Variants in CACNG6 observed in about 807,000 individuals in gnomAD.
CACNG6 encodes the protein calcium voltage-gated channel auxiliary subunit gamma 6, also known as voltage-dependent calcium channel gamma-6 subunit.
Under a neutral mutation model 23.9 loss-of-function variants are expected in CACNG6, and 21 were observed. The observed-to-expected ratio is 0.88, with a 90% CI of 0.62 to 1.26. CACNG6 has a LOEUF of 1.26. Among genes scored for constraint, CACNG6 ranks in the 50% most tolerant of loss-of-function variants. CACNG6 has a pLI of 0.00. For synonymous variants in CACNG6, 182 were observed against 168.9 expected (o/e 1.08, Z -0.60); for missense variants, 340 against 352.9 (o/e 0.96, Z 0.29).
At chr19:53,998,334 G>A (rs748217448) in intron 2 of CACNG6, 21 bp downstream of exon 2, 1 of 1,599,786 alleles carries the variant, frequency 6.3e-7, no homozygotes, top group Non-Finnish European at 8.6e-7. Flanking sequence ...TTCACCCCCT[G>A]CTGGGTGACA....
chr19:54,007,354 G>C (rs307957), intron 3 of CACNG6, among the ~76,000 whole-genome samples: 113,654 of 152,140 alleles, frequency 0.75, 43,077 homozygotes, highest in East Asian at 0.95. Flanking sequence ...ACTTAATTCT[G>C]TCTTTAAGAA....
intron 3 of CACNG6, among the ~76,000 whole-genome samples, chr19:54,006,089 C>G (rs1047585465): frequency 2.3e-4 from 3 of 13,318 alleles, no homozygotes; most frequent in Admixed American, 1.1e-3. Flanking sequence ...GACTCTGTTT[C>G]AAAAATAAAT....
At chr19:54,001,517 A>G (rs1048795679) in intron 3 of CACNG6, among the ~76,000 whole-genome samples, 1 of 152,114 alleles carries the variant, frequency 6.6e-6, no homozygotes, top group African/African-American at 2.4e-5. Context: ...TTTTATATCA[A>G]CACCTTCCTG....
chr19:54,001,671 G>A (rs771232879), intron 3 of CACNG6, among the ~76,000 whole-genome samples: 6 of 152,156 alleles, frequency 3.9e-5, no homozygotes, highest in Non-Finnish European at 8.8e-5. Context: ...GGCCTCTCTG[G>A]GGAGGTGACA....
rs2145971823 is a variant in CACNG6 at position 54,012,251 on chromosome 19, C to T, written c.*62C>T. The T allele has an allele frequency of 1.3e-6, 1 of 746,548 alleles. No individual in the cohort carries two copies. The highest frequency in any genetic ancestry group is 3.1e-5 in the South Asian group (1 of 32,658). 46.2% of individuals were successfully genotyped at this position (746,548 alleles called of 1,614,324 possible). ...CCTTTGACCTTCTCCATTGTACCCC[C>T]AAGATCTTTTTGCCCCATCTCCTAG... On this transcript the variant is annotated 3_prime_UTR_variant, in exon 4 of 4. Transcript: ENST00000252729.
chr19:54,011,159 T>C (rs393799), intron 3 of CACNG6, among the ~76,000 whole-genome samples: 98,277 of 132,912 alleles, frequency 0.74, 37,059 homozygotes, highest in East Asian at 0.95. Flanking sequence ...TCCAGACTAG[T>C]CTGGCCAACA....
intron 3 of CACNG6, among the ~76,000 whole-genome samples, chr19:54,005,267 GC>G (rs1353870212): frequency 8.7e-5 from 10 of 114,526 alleles, no homozygotes; most frequent in South Asian, 3.1e-4. Context: ...AAAAGAAAGA[GC>G]ACGTGAGAGA....
chr19:53,992,602 C>T lies in CACNG6; in HGVS notation c.-276C>T. On this transcript the variant is annotated 5_prime_UTR_variant, in exon 1 of 4. Transcript: ENST00000252729. The surrounding 1 kb of genome is among the most constrained non-coding windows in gnomAD (Gnocchi z 4.1). Reference sequence around the variant, plus strand: ...GGGGCCTTGTTTTTCCTCTGGGCCCCGTCTTCTTTGCCAAGTTCTTGAGGG... The same window carrying T: ...GGGGCCTTGTTTTTCCTCTGGGCCCTGTCTTCTTTGCCAAGTTCTTGAGGG... 1.0e-5 allele frequency: 3 copies of T among 287,810 alleles called. No individual in the cohort carries two copies. Among genetic ancestry groups the T allele is most frequent in the Non-Finnish European group, 1.3e-5 (2 of 155,866 alleles). 17.8% of individuals were successfully genotyped at this position (287,810 alleles called of 1,614,324 possible).
chr19:54,010,162 A>T (rs1388450107), intron 3 of CACNG6, among the ~76,000 whole-genome samples: 2 of 150,674 alleles, frequency 1.3e-5, no homozygotes, highest in Non-Finnish European at 1.5e-5. Flanking sequence ...CTGGGATTAC[A>T]GGTGCACACC....
chr19:53,997,180 G>C lies in CACNG6; in HGVS notation c.332-1059G>C, dbSNP rs550337018. Reference sequence around the variant, plus strand: ...CCACCTTTCCTGGCCTCAATTTTTGGATTTTTAAATTAAATTATTAATATT... The same window carrying C: ...CCACCTTTCCTGGCCTCAATTTTTGCATTTTTAAATTAAATTATTAATATT... On this transcript the variant is annotated intron_variant, in intron 1 of 3. Transcript: ENST00000252729. Among the ~76,000 whole-genome samples the C allele has an allele frequency of 6.6e-5, 10 of 151,860 alleles. No homozygotes were observed. The East Asian group carries it at 1.9e-3, about 29-fold the overall frequency.
rs35192974 is a variant in CACNG6, at chr19:53,996,863, ATT to A, written c.332-1354_332-1353del. Among the ~76,000 whole-genome samples, 191 of 98,528 alleles carry A rather than the reference ATT, an allele frequency of 1.9e-3. 1 individual carries two copies. Among genetic ancestry groups the A allele is most frequent in the East Asian group, 5.6e-3 (19 of 3,400 alleles). The allele number at this position is 98,528 out of a possible 152,430, so 64.6% of individuals were successfully genotyped here. Reference sequence around the variant, plus strand: ...CTATTGATTTTGTCTGATCTTTGGGATTTTTTTTTTTTTTTTTTTTTTTGAGA... The same window carrying A: ...CTATTGATTTTGTCTGATCTTTGGGATTTTTTTTTTTTTTTTTTTTTGAGA... On this transcript the variant is annotated intron_variant, in intron 1 of 3. Coordinates refer to ENST00000252729, the MANE Select transcript of CACNG6 (RefSeq NM_145814.2).
rs1267579555 is a variant in CACNG6, at chr19:53,998,277, G to A, written c.370G>A (p.Glu124Lys). The A allele has an allele frequency of 3.7e-6, 6 of 1,613,950 alleles. No individual in the cohort carries two copies. The highest frequency in any genetic ancestry group is 2.2e-5 in the East Asian group (1 of 44,886). Residue 124 changes from glutamate to lysine, a missense_variant, in exon 2 of 4, where the codon GAG (glutamate) becomes AAG (lysine). Coordinates refer to ENST00000252729, the MANE Select transcript of CACNG6 (RefSeq NM_145814.2). ...CTYFKFFTTGENARIFQRTTK... is the reference protein window; with the variant it reads ...CTYFKFFTTGKNARIFQRTTK... Reference sequence around the variant, plus strand: ...CTATTTTAAATTCTTCACCACGGGGGAGAATGCACGCATCTTTCAGAGAAC... The same window carrying A: ...CTATTTTAAATTCTTCACCACGGGGAAGAATGCACGCATCTTTCAGAGAAC...
At position 54,006,522 on chromosome 19, in the gene CACNG6, C is replaced by CTTTTTTT. The variant is rs766609552; in HGVS notation, c.545-5413_545-5407dup. 4.6e-3 allele frequency among the ~76,000 whole-genome samples: 156 copies of CTTTTTTT among 34,184 alleles called. 1 individual carries two copies. The highest frequency in any genetic ancestry group is 0.01 in the South Asian group (11 of 1,056). 22.4% of individuals were successfully genotyped at this position (34,184 alleles called of 152,430 possible). A position where few individuals can be genotyped will look rare whatever the true frequency, so the allele number is the denominator to read the frequency against. On this transcript the variant is annotated intron_variant, in intron 3 of 3. Coordinates refer to ENST00000252729, the MANE Select transcript of CACNG6 (RefSeq NM_145814.2). ...GTGTCCCCAGTTCCTTCTTTCTTTT[C>CTTTTTTT]TTTTTTTTTTTTTTTTTTTTTTGTT...
rs146951906 is a variant in CACNG6 at position 54,004,104 on chromosome 19, G to A, written c.544+4333G>A. Among the ~76,000 whole-genome samples, 1,099 of 151,944 alleles carry A rather than the reference G, an allele frequency of 7.2e-3. 12 individuals are homozygous for A. Among genetic ancestry groups the A allele is most frequent in the African/African-American group, 0.025 (1,053 of 41,440 alleles). ...ATTCCTGGACTCAAGCAGTCCTCTC[G>A]CTTCAGCCTCCCAAACTATTGGGAT... On this transcript the variant is annotated intron_variant, in intron 3 of 3. Transcript: ENST00000252729.
At chr19:54,001,137 T>G (rs2069570938) in intron 3 of CACNG6, among the ~76,000 whole-genome samples, 2 of 152,162 alleles carry the variant, frequency 1.3e-5, no homozygotes, top group South Asian at 4.2e-4. Context: ...AGGTTCCTTT[T>G]ATTTTCTGGG....
chr19:53,996,314 C>T (rs2069520163), intron 1 of CACNG6, among the ~76,000 whole-genome samples: 1 of 151,516 alleles, frequency 6.6e-6, no homozygotes, highest in Admixed American at 6.6e-5. Context: ...TCAGAAAGTG[C>T]TCCCCTCCCT....
Position 53,991,663 on chromosome 19 carries a change from C to G in CACNG6, c.-1215C>G, listed in dbSNP as rs1283783167. Among the ~76,000 whole-genome samples, 1 of 151,748 alleles carries G rather than the reference C, an allele frequency of 6.6e-6. No individual in the cohort carries two copies. The highest frequency in any genetic ancestry group is 1.5e-5 in the Non-Finnish European group (1 of 67,856). ...GGCCGGTGGCGGTGGCGGGCACAGC[C>G]GGACGCTTCGGAGGCAGCGCGGAGC... On this transcript the variant is annotated 5_prime_UTR_variant, in exon 1 of 4. Transcript: ENST00000252729.
intron 2 of CACNG6, among the ~76,000 whole-genome samples, chr19:53,999,053 A>C (rs2145957141): frequency 6.7e-6 from 1 of 150,250 alleles, no homozygotes. Context: ...TTCCCAGGAA[A>C]ATTTTTCACC....
chr19:54,012,174 G>A lies in CACNG6; in HGVS notation c.768G>A (p.Gly256=), dbSNP rs766454497. 8 of 1,420,494 alleles carry A rather than the reference G, an allele frequency of 5.6e-6. No individual in the cohort carries two copies. The highest frequency in any genetic ancestry group is 4.4e-5 in the South Asian group (3 of 67,472). The allele number at this position is 1,420,494 out of a possible 1,614,324, so 88.0% of individuals were successfully genotyped here. A position where few individuals can be genotyped will look rare whatever the true frequency, so the allele number is the denominator to read the frequency against. The part of the protein sequence containing the change: ...WPWGSLCPKR[G]HRAT ...GGGGGTCCCTCTGTCCCAAGCGGGGGCACCGGGCCACCTAGAGCCACGCGT... is the reference window on the plus strand; with the variant it reads ...GGGGGTCCCTCTGTCCCAAGCGGGGACACCGGGCCACCTAGAGCCACGCGT... The change falls in exon 4 of 4, where the codon GGG becomes GGA. Residue 256 remains glycine, a synonymous_variant. Coordinates refer to ENST00000252729, the MANE Select transcript of CACNG6 (RefSeq NM_145814.2).
Sources: gnomAD v4.1 joint callset for allele counts (sites outside exome capture counted in the v4.1 genomes callset) on GRCh38, gnomAD v4.1.1 for gene constraint, Gnocchi (gnomAD v3.1) non-coding constraint, MANE v1.5 for transcripts, NCBI Gene and HGNC (gene_info 2026-07-23, HGNC 2026-07-21) for gene names.